PDE1C: variants seen among roughly 807,000 people sequenced by gnomAD.
PDE1C encodes dual specificity calcium/calmodulin-dependent 3',5'-cyclic nucleotide phosphodiesterase 1C.
Under a neutral mutation model 93.1 loss-of-function variants are expected in PDE1C, and 62 were observed. The ratio of observed to expected loss-of-function variants is 0.67; its 90% confidence interval spans 0.54 to 0.82. The LOEUF (loss-of-function observed/expected upper bound fraction) is 0.82, where lower values mean the gene tolerates loss of function less well. PDE1C is among the 40% of genes least tolerant of loss of function. The pLI is 0.00. For synonymous variants in PDE1C, 325 were observed against 310.1 expected (o/e 1.05, Z -0.50); for missense variants, 742 against 884.6 (o/e 0.84, Z 2.04).
At chr7:32,003,708 G>C (rs1356337651) in intron 2 of PDE1C, among the ~76,000 whole-genome samples, 1 of 152,170 alleles carries the variant, frequency 6.6e-6, no homozygotes, top group South Asian at 2.1e-4. Flanking sequence ...TGCCTCTACA[G>C]AGACTGTAGA....
At chr7:32,395,421 C>T (rs560371793) in intron 1 of PDE1C, among the ~76,000 whole-genome samples, 25 of 151,982 alleles carry the variant, frequency 1.6e-4, no homozygotes, top group Middle Eastern at 3.4e-3. Context: ...AGCAGAGGCA[C>T]AAAGGCATAA....
At chr7:32,088,753 G>A (rs1256111467) in intron 3 of PDE1C, among the ~76,000 whole-genome samples, 13 of 152,004 alleles carry the variant, frequency 8.6e-5, no homozygotes, top group Non-Finnish European at 1.6e-4. Context: ...TGAGCCACCC[G>A]TGAAATGGTT....
intron 2 of PDE1C, among the ~76,000 whole-genome samples, chr7:32,003,644 A>C (rs1563175942): frequency 6.6e-6 from 1 of 152,194 alleles, no homozygotes; most frequent in South Asian, 2.1e-4. Context: ...GACTGGATTC[A>C]GCTATGGTAG....
chr7:31,872,199 T>C (rs918885316), intron 6 of PDE1C, among the ~76,000 whole-genome samples: 1 of 152,100 alleles, frequency 6.6e-6, no homozygotes, highest in African/African-American at 2.4e-5. Flanking sequence ...GAGAGTAGAA[T>C]GATAGATACT....
At chr7:31,884,696 C>T (rs750923286) in intron 2 of PDE1C, among the ~76,000 whole-genome samples, 1 of 152,208 alleles carries the variant, frequency 6.6e-6, no homozygotes, top group Non-Finnish European at 1.5e-5. Flanking sequence ...TTTATCCATT[C>T]CATTTGGAAT....
chr7:32,337,133 C>A (rs1783641997), intron 1 of PDE1C, among the ~76,000 whole-genome samples: 2 of 152,114 alleles, frequency 1.3e-5, no homozygotes, highest in African/African-American at 4.8e-5. Context: ...TACCTCTGGT[C>A]TCCTCCCTTC....
At chr7:31,974,020 A>G (rs1400689578) in intron 2 of PDE1C, among the ~76,000 whole-genome samples, 1 of 152,198 alleles carries the variant, frequency 6.6e-6, no homozygotes, top group Non-Finnish European at 1.5e-5. Flanking sequence ...GTAGGCTTGG[A>G]TATTAGTAAC....
chr7:32,054,582 G>A (rs1393430654), intron 1 of PDE1C, among the ~76,000 whole-genome samples: 1 of 152,110 alleles, frequency 6.6e-6, no homozygotes, highest in African/African-American at 2.4e-5. Flanking sequence ...TGAACTATTT[G>A]CAACTGTCAC....
At chr7:31,705,265 A>G in the PDE1C span, among the ~76,000 whole-genome samples, 781 of 152,312 alleles carry the variant, frequency 5.1e-3, 8 homozygotes, top group African/African-American at 0.017. Flanking sequence ...AAAAGTAACC[A>G]GAAAGTTGAT....
chr7:32,055,831 C>G (rs1794005743), intron 1 of PDE1C, among the ~76,000 whole-genome samples: 1 of 152,192 alleles, frequency 6.6e-6, no homozygotes, highest in African/African-American at 2.4e-5. Context: ...AGCGATTCTC[C>G]TGCCTCAGCC....
At chr7:31,632,812 C>T in the PDE1C span, among the ~76,000 whole-genome samples, 2 of 152,248 alleles carry the variant, frequency 1.3e-5, no homozygotes, top group African/African-American at 4.8e-5. Context: ...ACACAAACAG[C>T]CTGAAAAGCC....
intron 3 of PDE1C, among the ~76,000 whole-genome samples, chr7:32,139,113 T>C (rs1167604391): frequency 6.6e-6 from 1 of 152,034 alleles, no homozygotes; most frequent in Non-Finnish European, 1.5e-5. Flanking sequence ...TCTATCCTGG[T>C]GGAAATTTGA....
intron 2 of PDE1C, among the ~76,000 whole-genome samples, chr7:31,982,584 C>T (rs1812535368): frequency 6.6e-6 from 1 of 151,590 alleles, no homozygotes; most frequent in Admixed American, 6.6e-5. Flanking sequence ...GTTAATGGGT[C>T]CCTCTCAGTT....
the PDE1C span, among the ~76,000 whole-genome samples, chr7:31,685,653 G>T: frequency 6.6e-6 from 1 of 152,164 alleles, no homozygotes; most frequent in Non-Finnish European, 1.5e-5. Flanking sequence ...AACCACCATG[G>T]CACACGTTTA....
intron 1 of PDE1C, among the ~76,000 whole-genome samples, chr7:32,237,742 G>A (rs13235818): frequency 3.2e-5 from 1 of 31,232 alleles, no homozygotes; most frequent in Non-Finnish European, 6.0e-5. Context: ...TTGGCTCTGT[G>A]TATATATATA....
intron 1 of PDE1C, among the ~76,000 whole-genome samples, chr7:32,213,253 T>G (rs1044905264): frequency 6.6e-6 from 1 of 152,170 alleles, no homozygotes; most frequent in Non-Finnish European, 1.5e-5. Context: ...AAATACATAT[T>G]ACTGGCTTCC....
chr7:31,948,794 T>C (rs1205050276), intron 2 of PDE1C, among the ~76,000 whole-genome samples: 1 of 152,186 alleles, frequency 6.6e-6, no homozygotes, highest in East Asian at 1.9e-4. Flanking sequence ...TGATAGATTA[T>C]AGTTTAACAG....
At chr7:31,921,841 T>C (rs1461939711) in intron 2 of PDE1C, among the ~76,000 whole-genome samples, 3 of 152,230 alleles carry the variant, frequency 2.0e-5, no homozygotes, top group Admixed American at 2.0e-4. Flanking sequence ...CAATTATCAA[T>C]AATAATAAAA....
chr7:32,375,423 T>C (rs781434468), intron 1 of PDE1C, among the ~76,000 whole-genome samples: 14 of 152,194 alleles, frequency 9.2e-5, no homozygotes, highest in Admixed American at 9.2e-4. Context: ...ACAGTGGTTC[T>C]CAACCAGGGG....
Sources: allele counts gnomAD v4.1 joint callset (sites outside exome capture counted in the v4.1 genomes callset), GRCh38; gene constraint gnomAD v4.1.1; transcripts MANE v1.5; gene names NCBI Gene and HGNC (gene_info 2026-07-23, HGNC 2026-07-21).